Variants in CBLN2 observed in about 807,000 individuals in gnomAD.
CBLN2 encodes cerebellin 2 precursor, also known as cerebellin-2.
CBLN2 carries 7 observed loss-of-function variants against 15.0 expected under a neutral mutation model. That is an observed-to-expected ratio of 0.47 (90% CI 0.27 to 0.88). The LOEUF is 0.88. CBLN2 is among the 40% of genes least tolerant of loss of function. The pLI, the probability that CBLN2 is intolerant of heterozygous loss-of-function variation, is 0.14. For synonymous variants in CBLN2, 149 were observed against 135.2 expected (o/e 1.10, Z -0.71); for missense variants, 242 against 304.5 (o/e 0.79, Z 1.53).
chr18:72,605,173 TATG>T (rs1402492616), intron 1 of CBLN2, among the ~76,000 whole-genome samples: 1 of 152,218 alleles, frequency 6.6e-6, no homozygotes, highest in Non-Finnish European at 1.5e-5. Flanking sequence ...TCAACCAAAA[TATG>T]ATGGCCAACT....
chr18:72,617,440 TTATAG>T (rs1311500967), intron 1 of CBLN2, among the ~76,000 whole-genome samples: 2 of 152,276 alleles, frequency 1.3e-5, no homozygotes, highest in South Asian at 2.1e-4. Flanking sequence ...AAAGTATGTT[TTATAG>T]TATATCAGTT....
chr18:72,581,560 C>A (rs1455147946), intron 1 of CBLN2, among the ~76,000 whole-genome samples: 1 of 152,070 alleles, frequency 6.6e-6, no homozygotes, highest in East Asian at 1.9e-4. Flanking sequence ...TAACTTACAC[C>A]TGTTTGGAGC....
chr18:72,583,572 T>C (rs1172150700), intron 1 of CBLN2, among the ~76,000 whole-genome samples: 2 of 152,204 alleles, frequency 1.3e-5, no homozygotes, highest in African/African-American at 4.8e-5. Context: ...ATTAATTTCA[T>C]AGATTATCAT....
At chr18:72,595,794 A>G (rs924980545) in intron 1 of CBLN2, among the ~76,000 whole-genome samples, 4 of 151,648 alleles carry the variant, frequency 2.6e-5, no homozygotes, top group Non-Finnish European at 4.4e-5. Context: ...TTCCCTTTTC[A>G]TAGATTTTGT....
intron 1 of CBLN2, among the ~76,000 whole-genome samples, chr18:72,566,532 T>C (rs768754489): frequency 6.6e-6 from 1 of 152,208 alleles, no homozygotes; most frequent in Non-Finnish European, 1.5e-5. Context: ...GAAGACATTA[T>C]GTTAAGTGAA....
chr18:72,561,791 C>T (rs370995715), intron 1 of CBLN2, among the ~76,000 whole-genome samples: 1 of 151,958 alleles, frequency 6.6e-6, no homozygotes, highest in African/African-American at 2.4e-5. Context: ...TCTGTCCGTG[C>T]GGCAATAACA....
chr18:72,594,172 A>G (rs371085148), intron 1 of CBLN2, among the ~76,000 whole-genome samples: 1 of 152,096 alleles, frequency 6.6e-6, no homozygotes, highest in African/African-American at 2.4e-5. Context: ...TAAGAGAAAT[A>G]CCTAATGTAG....
rs1439061835 is a variant in CBLN2 at position 72,536,794 on chromosome 18, G to T, written c.*1382C>A. ...ACATCTGGTTTGAGGTCTCCTTTTT[G>T]ATTGCTTTGGGATTAGTGACATTTC... On this transcript the variant is annotated 3_prime_UTR_variant, in exon 5 of 5. Transcript: ENST00000269503. 6.6e-6 allele frequency: 1 copy of T among 152,516 alleles called. No individual in the cohort carries two copies. Among genetic ancestry groups the T allele is most frequent in the African/African-American group, 2.4e-5 (1 of 41,408 alleles). The allele number at this position is 152,516 out of a possible 1,614,324, so 9.4% of individuals were successfully genotyped here. A position where few individuals can be genotyped will look rare whatever the true frequency, so the allele number is the denominator to read the frequency against.
chr18:72,584,558 T>A (rs2069429722), intron 1 of CBLN2, among the ~76,000 whole-genome samples: 1 of 152,040 alleles, frequency 6.6e-6, no homozygotes, highest in South Asian at 2.1e-4. Flanking sequence ...CACCTCAGCC[T>A]CCCAAAGTGC....
chr18:72,562,252 G>A (rs2069266461), intron 1 of CBLN2, among the ~76,000 whole-genome samples: 1 of 152,058 alleles, frequency 6.6e-6, no homozygotes, highest in Admixed American at 6.6e-5. Context: ...AGGCCATACA[G>A]GGACAAAATT....
intron 1 of CBLN2, among the ~76,000 whole-genome samples, chr18:72,603,267 A>G (rs2069561216): frequency 6.6e-6 from 1 of 152,254 alleles, no homozygotes; most frequent in Non-Finnish European, 1.5e-5. Context: ...ATAATAAAGT[A>G]TCTTTTCAAT....
At chr18:72,557,249 C>T (rs1466038919) in intron 1 of CBLN2, among the ~76,000 whole-genome samples, 10 of 151,930 alleles carry the variant, frequency 6.6e-5, no homozygotes, top group African/African-American at 2.2e-4. Flanking sequence ...AAATAAGATG[C>T]GTATGTACCA....
chr18:72,584,916 C>A (rs1386522033), intron 1 of CBLN2, among the ~76,000 whole-genome samples: 2 of 152,152 alleles, frequency 1.3e-5, no homozygotes, highest in Non-Finnish European at 2.9e-5. Context: ...TACTCCCACA[C>A]CTGCCAAAGG....
upstream of CBLN2, among the ~76,000 whole-genome samples, chr18:72,547,038 A>G (rs1414015279): frequency 2.0e-5 from 3 of 152,136 alleles, no homozygotes; most frequent in East Asian, 3.8e-4. Flanking sequence ...GTTTACTGCA[A>G]TACTATTCAC....
rs548417031 is a variant in CBLN2 at position 72,552,219 on chromosome 18, G to A, written c.16-13447C>T. ...CTACCTCAGCCTCCTGAGTAGCTGG[G>A]GTTACAGGCATGCACCACCAAGCCC... is the stretch of plus-strand genomic sequence containing the variant. On this transcript the variant is annotated intron_variant, in intron 1 of 2. Transcript: ENST00000581073. Among the ~76,000 whole-genome samples the A allele has an allele frequency of 2.7e-3, 417 of 151,640 alleles. 3 individuals carry two copies. The highest frequency in any genetic ancestry group is 9.7e-3 in the African/African-American group (400 of 41,322).
chr18:72,586,243 A>T (rs2069442339), intron 1 of CBLN2, among the ~76,000 whole-genome samples: 1 of 152,188 alleles, frequency 6.6e-6, no homozygotes, highest in African/African-American at 2.4e-5. Context: ...TATCAAAATT[A>T]TTATTGTTTC....
At chr18:72,538,888 TTCAGCATCC>T in intron 3 of CBLN2, 116 bp from the exon 4 acceptor site, 1 of 1,358,778 alleles carries the variant, frequency 7.4e-7, no homozygotes, top group Non-Finnish European at 1.0e-6. Context: ...GGAACACAAA[TTCAGCATCC>T]TCAGCATTCT....
In CBLN2 at chr18:72,543,839, G is replaced by T. The variant is rs1190503725; in HGVS notation, c.-212+138C>A. 1.9e-5 allele frequency: 3 copies of T among 159,248 alleles called. No homozygotes were observed. Among genetic ancestry groups the T allele is most frequent in the African/African-American group, 4.8e-5 (2 of 41,700 alleles). The allele number at this position is 159,248 out of a possible 1,614,324, so 9.9% of individuals were successfully genotyped here. Reference sequence around the variant, plus strand: ...CCGCGCTCAGCGCGTCCGCAGCGCGGCTCCCTCGCGGGTCCCCTCGGCCCC... The same window carrying T: ...CCGCGCTCAGCGCGTCCGCAGCGCGTCTCCCTCGCGGGTCCCCTCGGCCCC... On this transcript the variant is annotated intron_variant, in intron 1 of 4. Coordinates refer to ENST00000269503, the MANE Select transcript of CBLN2 (RefSeq NM_182511.4). This position sits in a 1 kb window ranked among gnomAD's most constrained non-coding sequence, Gnocchi z 6.8.
At chr18:72,609,125 C>G (rs1055857015) in intron 1 of CBLN2, among the ~76,000 whole-genome samples, 7 of 152,112 alleles carry the variant, frequency 4.6e-5, no homozygotes, top group Non-Finnish European at 7.4e-5. Flanking sequence ...GTGTCTGTAT[C>G]TCAGCAGAGG....
Sources: gnomAD v4.1 joint callset for allele counts (sites outside exome capture counted in the v4.1 genomes callset) on GRCh38, gnomAD v4.1.1 for gene constraint, Gnocchi (gnomAD v3.1) non-coding constraint, MANE v1.5 for transcripts, NCBI Gene and HGNC (gene_info 2026-07-23, HGNC 2026-07-21) for gene names.